C10orf67: variants seen among roughly 807,000 people sequenced by gnomAD.
C10orf67 encodes the protein uncharacterized protein C10orf67, mitochondrial.
In C10orf67, 60 loss-of-function variants were observed where a neutral mutation model predicts 35.6. That is an observed-to-expected ratio of 1.68 (90% CI 1.37 to 2.09). The LOEUF is 2.09. C10orf67 is among the 30% of genes most tolerant of loss of function. C10orf67 has a pLI of 0.00. For synonymous variants in C10orf67, 167 were observed against 115.8 expected, an observed-to-expected ratio of 1.44 and a Z score of -2.84; for missense variants, 474 against 330.2, an observed-to-expected ratio of 1.44 and a Z score of -3.38.
At chr10:23,339,988 C>T (rs1845820319) in intron 1 of C10orf67, among the ~76,000 whole-genome samples, 1 of 152,164 alleles carries the variant, frequency 6.6e-6, no homozygotes, top group African/African-American at 2.4e-5. Flanking sequence ...CTTTACCCTA[C>T]CCAGTGCTAA....
chr10:23,320,033 A>T (rs998908823), intron 4 of C10orf67, among the ~76,000 whole-genome samples: 2 of 152,192 alleles, frequency 1.3e-5, no homozygotes, highest in Admixed American at 6.5e-5. Flanking sequence ...ATTACGTACC[A>T]GTCACAGCGC....
At chr10:23,251,088 C>A (rs1354636313) in intron 10 of C10orf67, among the ~76,000 whole-genome samples, 1 of 152,056 alleles carries the variant, frequency 6.6e-6, no homozygotes, top group Admixed American at 6.6e-5. Flanking sequence ...CAGAACGAGA[C>A]CCTGTCTCAA....
chr10:23,214,083 G>A (rs1841375206), intron 15 of C10orf67, among the ~76,000 whole-genome samples: 1 of 151,566 alleles, frequency 6.6e-6, no homozygotes, highest in Admixed American at 6.6e-5. Flanking sequence ...AGACATCAAA[G>A]AATTACCAGG....
intron 13 of C10orf67, among the ~76,000 whole-genome samples, chr10:23,228,231 C>G (rs907988115): frequency 4.6e-5 from 7 of 152,072 alleles, no homozygotes; most frequent in African/African-American, 1.4e-4. Flanking sequence ...GGTACTGGTA[C>G]CAAACCAGAG....
chr10:23,320,668 G>T, intron 4 of C10orf67, 73 bp downstream of exon 4: 1 of 1,172,894 alleles, frequency 8.5e-7, no homozygotes, highest in South Asian at 1.4e-5. Context: ...AAGCCAAGGT[G>T]ATCCCCACTC....
At chr10:23,335,187 CAAA>C (rs147004467) in intron 1 of C10orf67, among the ~76,000 whole-genome samples, 6 of 79,340 alleles carry the variant, frequency 7.6e-5, no homozygotes, top group Non-Finnish European at 5.4e-5. Flanking sequence ...GATTCTGTCT[CAAA>C]AAAAAAAAAA....
chr10:23,241,752 G>C (rs1025847139), intron 12 of C10orf67, among the ~76,000 whole-genome samples: 2 of 152,020 alleles, frequency 1.3e-5, no homozygotes, highest in Non-Finnish European at 2.9e-5. Flanking sequence ...TAATAGCTAA[G>C]AATGTTCCAA....
intron 2 of C10orf67, among the ~76,000 whole-genome samples, chr10:23,331,682 G>A (rs1315436734): frequency 5.4e-5 from 8 of 147,586 alleles, no homozygotes; most frequent in African/African-American, 1.8e-4. Context: ...AAAGGGAAAG[G>A]GAAGGGAAGA....
At chr10:23,253,926 A>C (rs1842533701) in intron 10 of C10orf67, among the ~76,000 whole-genome samples, 1 of 152,138 alleles carries the variant, frequency 6.6e-6, no homozygotes, top group South Asian at 2.1e-4. Context: ...CTCCAGTTCG[A>C]GTTGAACTTT....
At chr10:23,265,229 C>T (rs915548485) in intron 10 of C10orf67, among the ~76,000 whole-genome samples, 3 of 152,238 alleles carry the variant, frequency 2.0e-5, no homozygotes, top group Non-Finnish European at 4.4e-5. Context: ...TGCTCCCTCC[C>T]GCTCTGTGGA....
chr10:23,272,120 T>C (rs1442573729), intron 8 of C10orf67, among the ~76,000 whole-genome samples: 1 of 152,238 alleles, frequency 6.6e-6, no homozygotes, highest in East Asian at 1.9e-4. Flanking sequence ...TTTCATCATG[T>C]TGCCCACGCT....
chr10:23,306,334 G>C (rs1239730177), intron 4 of C10orf67, among the ~76,000 whole-genome samples: 2 of 151,910 alleles, frequency 1.3e-5, no homozygotes, highest in African/African-American at 4.8e-5. Context: ...GACTAGCCTG[G>C]CCAACATGTG....
chr10:23,292,923 A>C (rs1402860538), intron 5 of C10orf67, among the ~76,000 whole-genome samples: 2 of 152,026 alleles, frequency 1.3e-5, no homozygotes, highest in Non-Finnish European at 2.9e-5. Context: ...ATAAACGAAG[A>C]ATCCGTCATT....
At chr10:23,263,742 G>A (rs1262552558) in intron 10 of C10orf67, among the ~76,000 whole-genome samples, 1 of 152,064 alleles carries the variant, frequency 6.6e-6, no homozygotes, top group Non-Finnish European at 1.5e-5. Context: ...AATTACTCAG[G>A]GTCGGGAGAG....
chr10:23,258,931 C>A (rs1421009927), intron 10 of C10orf67, among the ~76,000 whole-genome samples: 1 of 152,166 alleles, frequency 6.6e-6, no homozygotes, highest in Non-Finnish European at 1.5e-5. Context: ...CTTCTTGTAG[C>A]AAATGAAAGA....
chr10:23,219,135 T>A (rs1014796791), intron 15 of C10orf67, among the ~76,000 whole-genome samples: 2 of 152,216 alleles, frequency 1.3e-5, no homozygotes, highest in African/African-American at 4.8e-5. Context: ...TTATATCTAA[T>A]ATGTTACAAT....
intron 2 of C10orf67, among the ~76,000 whole-genome samples, chr10:23,324,402 T>C (rs1252312109): frequency 6.6e-6 from 1 of 152,086 alleles, no homozygotes; most frequent in African/African-American, 2.4e-5. Context: ...ATAACTCTCC[T>C]GGACAGGACC....
chr10:23,282,896 C>G (rs1221579750), intron 7 of C10orf67, among the ~76,000 whole-genome samples: 1 of 149,986 alleles, frequency 6.7e-6, no homozygotes, highest in Non-Finnish European at 1.5e-5. Flanking sequence ...AGAGAGAAGA[C>G]GGATGGTTAC....
At chr10:23,218,112 GA>G (rs1258215923) in intron 15 of C10orf67, among the ~76,000 whole-genome samples, 1 of 152,040 alleles carries the variant, frequency 6.6e-6, no homozygotes, top group Non-Finnish European at 1.5e-5. Flanking sequence ...TATTTGGAAG[GA>G]AAAATTGAGA....
Sources: allele counts gnomAD v4.1 joint callset (sites outside exome capture counted in the v4.1 genomes callset), GRCh38; gene constraint gnomAD v4.1.1; transcripts MANE v1.5; gene names NCBI Gene and HGNC (gene_info 2026-07-23, HGNC 2026-07-21).